Variants in GALNTL6 observed in about 807,000 individuals in gnomAD.
GALNTL6 encodes the protein polypeptide N-acetylgalactosaminyltransferase like 6.
In GALNTL6, 46 loss-of-function variants were observed where a neutral mutation model predicts 73.7. The ratio of observed to expected loss-of-function variants is 0.62; its 90% confidence interval spans 0.49 to 0.80. The LOEUF (loss-of-function observed/expected upper bound fraction) is 0.80, where lower values mean the gene tolerates loss of function less well. Ranked by LOEUF, GALNTL6 falls within the 30% of genes least tolerant of loss-of-function variation. GALNTL6 has a pLI of 0.00. For missense variants in GALNTL6, 604 were observed against 755.0 expected (o/e 0.80, Z 2.34); for synonymous variants, 259 against 263.7 (o/e 0.98, Z 0.17).
intron 5 of GALNTL6, among the ~76,000 whole-genome samples, chr4:172,665,249 T>C (rs1471898100): frequency 4.6e-5 from 7 of 152,226 alleles, no homozygotes; most frequent in Non-Finnish European, 1.0e-4. Flanking sequence ...GGCTAGGGCA[T>C]GCTGCGGGCC....
At chr4:172,227,786 A>G (rs1481558013) in intron 2 of GALNTL6, among the ~76,000 whole-genome samples, 3 of 152,164 alleles carry the variant, frequency 2.0e-5, no homozygotes, top group Admixed American at 2.0e-4. Flanking sequence ...TTCAATCTGC[A>G]TTATATTACT....
intron 10 of GALNTL6, among the ~76,000 whole-genome samples, chr4:172,975,991 G>T (rs1750789831): frequency 6.6e-6 from 1 of 152,116 alleles, no homozygotes; most frequent in African/African-American, 2.4e-5. Flanking sequence ...CTGCGCCAGG[G>T]AGGTCGGAGC....
At chr4:172,829,631 C>A (rs763851922) in intron 7 of GALNTL6, among the ~76,000 whole-genome samples, 5 of 152,202 alleles carry the variant, frequency 3.3e-5, no homozygotes, top group African/African-American at 1.2e-4. Flanking sequence ...CATAATTGAA[C>A]ATTTTGCAAC....
intron 2 of GALNTL6, among the ~76,000 whole-genome samples, chr4:172,127,008 GA>G (rs1466653508): frequency 4.6e-5 from 7 of 152,134 alleles, no homozygotes; most frequent in Non-Finnish European, 7.3e-5. Context: ...ATGCCTCAAG[GA>G]CAAGCTTACC....
At chr4:173,023,463 C>T (rs1342775349) in intron 12 of GALNTL6, among the ~76,000 whole-genome samples, 2 of 152,110 alleles carry the variant, frequency 1.3e-5, no homozygotes, top group Non-Finnish European at 2.9e-5. Flanking sequence ...TCAAGACAAG[C>T]CTGGCCAACA....
rs1324683616 is a variant in GALNTL6, at chr4:172,330,458, G to C, written c.387-18065G>C. Reference sequence around the variant, plus strand: ...CATTCATCTTGCCTTGTTTGTCTTTGCTTTCCGTGGGTTGAATTCTCTTCT... The same window carrying C: ...CATTCATCTTGCCTTGTTTGTCTTTCCTTTCCGTGGGTTGAATTCTCTTCT... On this transcript the variant is annotated intron_variant, in intron 4 of 12. Transcript: ENST00000506823. 2.0e-5 allele frequency among the ~76,000 whole-genome samples: 3 copies of C among 152,206 alleles called. 1 individual carries two copies. Among genetic ancestry groups the C allele is most frequent in the Non-Finnish European group, 4.4e-5 (3 of 68,038 alleles).
At chr4:172,843,278 C>T (rs1243020975) in intron 7 of GALNTL6, among the ~76,000 whole-genome samples, 4 of 152,226 alleles carry the variant, frequency 2.6e-5, no homozygotes, top group Non-Finnish European at 5.9e-5. Flanking sequence ...ACTCGCTTTA[C>T]TTCTGTTCTG....
At chr4:172,444,040 C>A (rs1189047228) in intron 5 of GALNTL6, among the ~76,000 whole-genome samples, 1 of 152,126 alleles carries the variant, frequency 6.6e-6, no homozygotes, top group Non-Finnish European at 1.5e-5. Flanking sequence ...GTAATCGAGG[C>A]AAGAGCCAGT....
intron 2 of GALNTL6, among the ~76,000 whole-genome samples, chr4:172,001,505 C>T (rs905718048): frequency 6.6e-6 from 1 of 152,126 alleles, no homozygotes; most frequent in Non-Finnish European, 1.5e-5. Context: ...AGTAAGAGTA[C>T]ATGAAGTTTA....
intron 8 of GALNTL6, among the ~76,000 whole-genome samples, chr4:172,904,820 A>G (rs1407357469): frequency 6.6e-6 from 1 of 152,190 alleles, no homozygotes; most frequent in Non-Finnish European, 1.5e-5. Flanking sequence ...ATGTGGCACA[A>G]AAAACAATGT....
intron 2 of GALNTL6, among the ~76,000 whole-genome samples, chr4:172,037,533 C>T (rs1002401870): frequency 1.3e-5 from 2 of 151,638 alleles, no homozygotes; most frequent in East Asian, 3.9e-4. Flanking sequence ...CTACATTCCT[C>T]TCTTTTCCTT....
At chr4:172,828,369 A>G (rs184199005) in intron 7 of GALNTL6, among the ~76,000 whole-genome samples, 1 of 151,466 alleles carries the variant, frequency 6.6e-6, no homozygotes, top group African/African-American at 2.4e-5. Flanking sequence ...CCTGCACCCC[A>G]CGTCCCACAG....
chr4:172,393,982 A>T (rs1378373086), intron 5 of GALNTL6, among the ~76,000 whole-genome samples: 1 of 152,206 alleles, frequency 6.6e-6, no homozygotes, highest in Non-Finnish European at 1.5e-5. Context: ...TAAAGAAACC[A>T]TACATAAAAG....
intron 4 of GALNTL6, among the ~76,000 whole-genome samples, chr4:172,324,820 A>G (rs1333061275): frequency 6.6e-6 from 1 of 150,976 alleles, no homozygotes; most frequent in African/African-American, 2.4e-5. Flanking sequence ...GCATTTATAA[A>G]GGACTCATGA....
chr4:172,225,063 T>C (rs1736806810), intron 2 of GALNTL6, among the ~76,000 whole-genome samples: 1 of 152,086 alleles, frequency 6.6e-6, no homozygotes, highest in South Asian at 2.1e-4. Context: ...AACCTAATGA[T>C]GGGTCTGAAA....
intron 7 of GALNTL6, among the ~76,000 whole-genome samples, chr4:172,839,191 T>A (rs1743071555): frequency 6.6e-6 from 1 of 152,218 alleles, no homozygotes; most frequent in Non-Finnish European, 1.5e-5. Flanking sequence ...GTTGCAGGTC[T>A]GAGCCGAAAC....
chr4:172,572,674 G>A (rs772992127), intron 5 of GALNTL6, among the ~76,000 whole-genome samples: 1 of 152,038 alleles, frequency 6.6e-6, no homozygotes, highest in Non-Finnish European at 1.5e-5. Context: ...TGTTCCAAAT[G>A]ACCTATTACT....
chr4:172,422,564 A>G (rs566600999), intron 5 of GALNTL6, among the ~76,000 whole-genome samples: 3 of 151,882 alleles, frequency 2.0e-5, no homozygotes, highest in African/African-American at 7.2e-5. Flanking sequence ...CTGTAGCTTC[A>G]CTTAGTCCCT....
chr4:172,417,567 T>C (rs1730889902), intron 5 of GALNTL6, among the ~76,000 whole-genome samples: 1 of 152,050 alleles, frequency 6.6e-6, no homozygotes, highest in Admixed American at 6.6e-5. Context: ...GAGAATTGCT[T>C]GAACCCAGGA....
Sources: allele counts gnomAD v4.1 joint callset (sites outside exome capture counted in the v4.1 genomes callset), GRCh38; gene constraint gnomAD v4.1.1; transcripts MANE v1.5; gene names NCBI Gene and HGNC (gene_info 2026-07-23, HGNC 2026-07-21).